The following TCF4 variants were observed in gnomAD, a reference collection of about 807,000 sequenced individuals.
The protein encoded by TCF4 is transcription factor 4, also known as SL3-3 enhancer factor 2.
In TCF4, 3 loss-of-function variants were observed where a neutral mutation model predicts 82.1. The observed-to-expected ratio is 0.04, with a 90% CI of 0.02 to 0.09. The LOEUF is 0.09. Among genes scored for constraint, TCF4 ranks in the 10% least tolerant of loss-of-function variants. The probability of loss-of-function intolerance (pLI) is 1.00; values close to 1 mark genes in which losing one functional copy is unlikely to be tolerated. For synonymous variants in TCF4, 276 were observed against 309.6 expected, an observed-to-expected ratio of 0.89 and a Z score of 1.14; for missense variants, 518 against 852.7, an observed-to-expected ratio of 0.61 and a Z score of 4.89.
intron 5 of TCF4, among the ~76,000 whole-genome samples, chr18:55,428,729 C>A (rs2095079665): frequency 6.6e-6 from 1 of 152,172 alleles, no homozygotes; most frequent in Non-Finnish European, 1.5e-5. Flanking sequence ...ACCTCCATTT[C>A]ATCACAGAGC....
In TCF4 at chr18:55,397,423, ACT is replaced by A. The variant is rs1335186093; in HGVS notation, c.369+6029_369+6030del. Among the ~76,000 whole-genome samples, 3 of 152,182 alleles carry A rather than the reference ACT, an allele frequency of 2.0e-5. No homozygotes were observed. The East Asian group carries it at 5.8e-4, about 29-fold the overall frequency. On this transcript the variant is annotated intron_variant, in intron 6 of 19. Coordinates refer to ENST00000354452, the MANE Select transcript of TCF4 (RefSeq NM_001083962.2). ...CAGTTGGCCTGGTCTCTTTAAAGTCACTATCATTCAAACAAACCAACAAAAAA... is the reference window on the plus strand; with the variant it reads ...CAGTTGGCCTGGTCTCTTTAAAGTCAATCATTCAAACAAACCAACAAAAAA...
chr18:55,406,452 G>A (rs1350343280), intron 5 of TCF4, among the ~76,000 whole-genome samples: 2 of 152,022 alleles, frequency 1.3e-5, no homozygotes, highest in African/African-American at 4.8e-5. Context: ...TCAGTTTCTA[G>A]AAAAGAAACT....
chr18:55,342,067 A>G (rs986340027), intron 8 of TCF4, among the ~76,000 whole-genome samples: 22 of 152,190 alleles, frequency 1.4e-4, no homozygotes, highest in African/African-American at 5.3e-4. Flanking sequence ...ATAAGTATAA[A>G]CGGAGAAAGG....
intron 2 of TCF4, among the ~76,000 whole-genome samples, chr18:55,616,887 G>A (rs1042352975): frequency 3.3e-5 from 5 of 152,000 alleles, no homozygotes; most frequent in African/African-American, 1.2e-4. Context: ...CATTTGGTAG[G>A]TTGCTTTTTC....
intron 5 of TCF4, among the ~76,000 whole-genome samples, chr18:55,438,255 T>C (rs997031607): frequency 2.0e-5 from 3 of 150,876 alleles, no homozygotes; most frequent in African/African-American, 7.3e-5. Flanking sequence ...AGCTGCTTCC[T>C]AGAGGCCTCT....
At chr18:55,374,271 A>T (rs2145669897) in intron 6 of TCF4, among the ~76,000 whole-genome samples, 1 of 152,142 alleles carries the variant, frequency 6.6e-6, no homozygotes, top group Admixed American at 6.5e-5. Flanking sequence ...AAATATGATG[A>T]ATTAATAAAA....
chr18:55,392,812 C>T (rs1603441652), intron 6 of TCF4, among the ~76,000 whole-genome samples: 2 of 152,196 alleles, frequency 1.3e-5, no homozygotes, highest in East Asian at 1.9e-4. Flanking sequence ...ACGATATATA[C>T]ACATATATGT....
intron 3 of TCF4, among the ~76,000 whole-genome samples, chr18:55,539,449 A>T (rs901552052): frequency 1.3e-5 from 2 of 152,220 alleles, no homozygotes; most frequent in Non-Finnish European, 2.9e-5. Flanking sequence ...CCATAAAATT[A>T]ATGTAAAAAC....
At chr18:55,294,265 A>G in intron 8 of TCF4, among the ~76,000 whole-genome samples, 1 of 146,022 alleles carries the variant, frequency 6.8e-6, no homozygotes, top group South Asian at 2.1e-4. Flanking sequence ...GTCTCAAAAA[A>G]AAAGAAAAAA....
chr18:55,550,428 C>G (rs566054148), intron 3 of TCF4: 1 of 152,146 alleles, frequency 6.6e-6, no homozygotes, highest in Non-Finnish European at 1.5e-5. Context: ...GCCAACAATG[C>G]GTTCCTCCAA....
In TCF4 at chr18:55,363,602, A is replaced by T. The variant is rs147756897; in HGVS notation, c.370-12599T>A. Among the ~76,000 whole-genome samples, 557 of 152,212 alleles carry T rather than the reference A, an allele frequency of 3.7e-3. 1 individual carries two copies. The highest frequency in any genetic ancestry group is 6.5e-3 in the Non-Finnish European group (440 of 67,998). On this transcript the variant is annotated intron_variant, in intron 6 of 19. Transcript: ENST00000354452. ...GTGGATCATTTGAGGTTAGGAGTTGAAGACCATCCTGGCCAACACGGCGAA... is the reference window on the plus strand; with the variant it reads ...GTGGATCATTTGAGGTTAGGAGTTGTAGACCATCCTGGCCAACACGGCGAA...
chr18:55,607,708 A>G (rs953521617), intron 2 of TCF4, among the ~76,000 whole-genome samples: 7 of 152,246 alleles, frequency 4.6e-5, no homozygotes, highest in Admixed American at 2.6e-4. Flanking sequence ...ATTAACAATG[A>G]AAAGGTTGTT....
intron 3 of TCF4, among the ~76,000 whole-genome samples, chr18:55,470,102 C>T (rs1408421142): frequency 6.6e-6 from 1 of 152,106 alleles, no homozygotes; most frequent in East Asian, 1.9e-4. Context: ...AGTCAGTATT[C>T]TAACAGAAGA....
intron 3 of TCF4, among the ~76,000 whole-genome samples, chr18:55,538,775 A>G (rs1480462467): frequency 6.6e-6 from 1 of 152,212 alleles, no homozygotes; most frequent in African/African-American, 2.4e-5. Flanking sequence ...TCTTCTGTGT[A>G]TTCTCTAGAT....
chr18:55,365,191 A>ATATATATATG (rs1361444592), intron 6 of TCF4, among the ~76,000 whole-genome samples: 168 of 97,836 alleles, frequency 1.7e-3, no homozygotes, highest in African/African-American at 3.1e-3. Context: ...ATATATATAT[A>ATATATATATG]TGTGTGTGTG....
chr18:55,312,538 C>T (rs1568928831), intron 8 of TCF4, among the ~76,000 whole-genome samples: 1 of 152,080 alleles, frequency 6.6e-6, no homozygotes, highest in Non-Finnish European at 1.5e-5. Flanking sequence ...AAAGGTAAAG[C>T]AGCTTCTCTA....
intron 3 of TCF4, among the ~76,000 whole-genome samples, chr18:55,560,742 A>T (rs895459115): frequency 6.6e-6 from 1 of 152,164 alleles, no homozygotes; most frequent in Non-Finnish European, 1.5e-5. Flanking sequence ...GTGCATCCAG[A>T]GCATTTGCTG....
intron 8 of TCF4, among the ~76,000 whole-genome samples, chr18:55,315,681 A>G (rs182050759): frequency 1.0e-3 from 156 of 152,300 alleles, no homozygotes; most frequent in Non-Finnish European, 1.9e-3. Context: ...ACCTAAAATG[A>G]TATGATAATG....
Position 55,464,137 on chromosome 18 carries a change from T to C in TCF4, c.146A>G (p.Asn49Ser), listed in dbSNP as rs932137046. Residue 49 changes from asparagine (N) to serine (S), a missense_variant and splice_region_variant, in exon 4 of 20, where the codon AAT (asparagine) becomes AGT (serine). Coordinates refer to ENST00000354452, the MANE Select transcript of TCF4 (RefSeq NM_001083962.2). ...SLASGHFTGS[N>S]VEDRSSSGSW... is the part of the protein sequence containing the mutation. ...CCCTGAGCTACTTCTGTCTTCTACA[T>C]CTAGGGACAAGAGAAAAGTTCTTTA... 1.2e-6 allele frequency: 2 copies of C among 1,614,006 alleles called. No individual in the cohort carries two copies. The highest frequency in any genetic ancestry group is 1.7e-5 in the Admixed American group (1 of 60,012).
Sources: allele counts gnomAD v4.1 joint callset (sites outside exome capture counted in the v4.1 genomes callset), GRCh38; gene constraint gnomAD v4.1.1; transcripts MANE v1.5; gene names NCBI Gene and HGNC (gene_info 2026-07-23, HGNC 2026-07-21).